EPG5: variants seen among roughly 807,000 people sequenced by gnomAD.
EPG5 encodes ectopic P granules protein 5 homolog.
EPG5 carries 159 observed loss-of-function variants against 302.7 expected under a neutral mutation model. The ratio of observed to expected loss-of-function variants is 0.53; its 90% confidence interval spans 0.46 to 0.60. EPG5 has a LOEUF of 0.60. Among genes scored for constraint, EPG5 ranks in the 20% least tolerant of loss-of-function variants. The probability of loss-of-function intolerance (pLI) is 0.00; values close to 1 mark genes in which losing one functional copy is unlikely to be tolerated. For missense variants in EPG5, 2,896 were observed against 3,092.4 expected (o/e 0.94, Z 1.51); for synonymous variants, 1,158 against 1,136.8 (o/e 1.02, Z -0.37).
At chr18:45,837,150 T>C in the EPG5 span, 11 of 1,597,986 alleles carry the variant, frequency 6.9e-6, no homozygotes, top group African/African-American at 1.3e-4. Context: ...AACCACGAGA[T>C]CCCAGGGTTT....
In EPG5 at chr18:45,849,497, G is replaced by A. The variant is rs2048397180; in HGVS notation, c.*2970C>T. The stretch of plus-strand genomic sequence containing the variant: ...CCTGCTCCAGAAGAAAGAATTTCAG[G>A]AATAAAAACTCAGTGAAAAAGTATA... On this transcript the variant is annotated 3_prime_UTR_variant, in exon 44 of 44. Transcript: ENST00000282041. 1 of 152,194 alleles carries A rather than the reference G, an allele frequency of 6.6e-6. No individual in the cohort carries two copies. The highest frequency in any genetic ancestry group is 2.4e-5 in the African/African-American group (1 of 41,438). The allele number at this position is 152,194 out of a possible 1,614,324, so 9.4% of individuals were successfully genotyped here.
rs780623328 is a variant in EPG5 at position 45,967,249 on chromosome 18, C to T, written c.-10G>A. ...TCACCGCCTCGGCCATAGACCCTTCCGCGGCGCCGTCACCGTTTGTTTTTG... is the reference window on the plus strand; with the variant it reads ...TCACCGCCTCGGCCATAGACCCTTCTGCGGCGCCGTCACCGTTTGTTTTTG... On this transcript the variant is annotated 5_prime_UTR_variant, in exon 1 of 44. Transcript: ENST00000282041. 2 of 1,586,766 alleles carry T rather than the reference C, an allele frequency of 1.3e-6. No individual in the cohort carries two copies. The highest frequency in any genetic ancestry group is 2.3e-5 in the South Asian group (2 of 87,330).
At chr18:45,802,042 G>A in the EPG5 span, among the ~76,000 whole-genome samples, 1 of 152,130 alleles carries the variant, frequency 6.6e-6, no homozygotes. Context: ...TCACCCTGCA[G>A]TGTCCACTCC....
Position 45,913,720 on chromosome 18 carries a change from C to T in EPG5, c.3802G>A (p.Asp1268Asn), listed in dbSNP as rs1459411448. The T allele has an allele frequency of 6.2e-7, 1 of 1,614,076 alleles. No individual in the cohort carries two copies. The highest frequency in any genetic ancestry group is 8.5e-7 in the Non-Finnish European group (1 of 1,179,974). Residue 1268 changes from aspartate to asparagine, a missense_variant, in exon 21 of 44, where the codon GAC becomes AAC. Physicochemically the swap from Asp to Asn is conservative, Grantham distance 23. This residue lies in a region of EPG5 where 64 missense variants were observed against 101.8 expected (regional missense o/e 0.63). Transcript: ENST00000282041. ...GCTATTTGTACCTTCAGAGCTTGGTCAGGGGTGAAAGCAGAGTTTATCACC... is the reference window on the plus strand; with the variant it reads ...GCTATTTGTACCTTCAGAGCTTGGTTAGGGGTGAAAGCAGAGTTTATCACC... ...ELVINSAFTP[D>N]QALKKAQTQL... is the part of the protein sequence containing the mutation.
the EPG5 span, among the ~76,000 whole-genome samples, chr18:45,823,377 T>G: frequency 6.6e-6 from 1 of 152,162 alleles, no homozygotes; most frequent in East Asian, 1.9e-4. Context: ...TTGGAAGATC[T>G]AAGAGGCAAC....
At chr18:45,872,676 C>T (rs1479411267) in intron 35 of EPG5, among the ~76,000 whole-genome samples, 2 of 152,084 alleles carry the variant, frequency 1.3e-5, no homozygotes, top group African/African-American at 4.8e-5. Context: ...CGCACTCCAA[C>T]CTGGGCAACA....
intron 35 of EPG5, among the ~76,000 whole-genome samples, chr18:45,874,607 C>T (rs765955587): frequency 1.3e-5 from 2 of 152,092 alleles, no homozygotes; most frequent in Non-Finnish European, 2.9e-5. Flanking sequence ...TATCAAACCA[C>T]CAGATCTCAT....
chr18:45,916,344 G>T, intron 18 of EPG5, 94 bp downstream of exon 18: 2 of 1,546,666 alleles, frequency 1.3e-6, no homozygotes, highest in Non-Finnish European at 1.8e-6. Context: ...TAAGCCAAGT[G>T]ATCTGAAATG....
the EPG5 span, among the ~76,000 whole-genome samples, chr18:45,830,347 T>C: frequency 6.6e-6 from 1 of 152,170 alleles, no homozygotes; most frequent in Non-Finnish European, 1.5e-5. Flanking sequence ...GGAGAGTAGG[T>C]TCGGCATCAG....
chr18:45,928,404 T>C (rs1005683656), intron 13 of EPG5, among the ~76,000 whole-genome samples: 3 of 152,134 alleles, frequency 2.0e-5, no homozygotes, highest in Non-Finnish European at 4.4e-5. Flanking sequence ...TACATGAAGA[T>C]TGCAAAAGGG....
the EPG5 span, among the ~76,000 whole-genome samples, chr18:45,831,684 T>A: frequency 6.6e-6 from 1 of 151,900 alleles, no homozygotes; most frequent in Non-Finnish European, 1.5e-5. Flanking sequence ...CAATTATACT[T>A]CAGCTGGTCC....
chr18:45,811,894 A>C, the EPG5 span, among the ~76,000 whole-genome samples: 1 of 152,160 alleles, frequency 6.6e-6, no homozygotes, highest in African/African-American at 2.4e-5. Flanking sequence ...CCTATTCAAC[A>C]TAGTGTTGGA....
chr18:45,831,993 A>G, the EPG5 span, among the ~76,000 whole-genome samples: 4 of 152,236 alleles, frequency 2.6e-5, no homozygotes, highest in Non-Finnish European at 5.9e-5. Context: ...CGGCCTCCCA[A>G]AGTGCTGGGA....
chr18:45,858,472 C>T, intron 41 of EPG5, 94 bp downstream of exon 41: 1 of 919,666 alleles, frequency 1.1e-6, no homozygotes, highest in Non-Finnish European at 1.7e-6. Context: ...TTATGCACCT[C>T]TTGGTTCTGT....
intron 12 of EPG5, among the ~76,000 whole-genome samples, chr18:45,930,414 A>G (rs1217963592): frequency 5.3e-5 from 8 of 152,178 alleles, no homozygotes; most frequent in African/African-American, 1.9e-4. Context: ...AAACTGTGTC[A>G]GGCTGTGTCA....
At position 45,855,657 on chromosome 18, in the gene EPG5, G is replaced by C. The variant is rs1370235101; in HGVS notation, c.7473C>G (p.Ala2491=). The change falls in exon 43 of 44, where the codon GCC becomes GCG. Residue 2491 remains alanine (A), a synonymous_variant. Transcript: ENST00000282041. ...RFRVVARSMA[A]FLSVQVPMED... ...CCATAGGAACCTGAACTGAAAGGAAGGCAGCCATGCTTCGGGCAACCACTC... is the reference window on the plus strand; with the variant it reads ...CCATAGGAACCTGAACTGAAAGGAACGCAGCCATGCTTCGGGCAACCACTC... 6.2e-7 allele frequency: 1 copy of C among 1,614,170 alleles called. No individual in the cohort carries two copies. The highest frequency in any genetic ancestry group is 1.3e-5 in the African/African-American group (1 of 75,044).
At position 45,870,671 on chromosome 18, in the gene EPG5, G is replaced by T; in HGVS notation, c.6121C>A (p.Pro2041Thr). 1 of 1,613,828 alleles carries T rather than the reference G, an allele frequency of 6.2e-7. No individual in the cohort carries two copies. Among genetic ancestry groups the T allele is most frequent in the Non-Finnish European group, 8.5e-7 (1 of 1,179,922 alleles). Reference sequence around the variant, plus strand: ...TACAGAATGAACTCTGGCATTTTGGGTGCTGTACATGCTTCACAATAATGC... The same window carrying T: ...TACAGAATGAACTCTGGCATTTTGGTTGCTGTACATGCTTCACAATAATGC... ...LMHYCEACTA[P>T]KMPEFILYAF... Residue 2041 changes from proline to threonine, a missense_variant, in exon 36 of 44, where the codon CCC becomes ACC. Around this residue, in one of 5 missense-constraint regions of EPG5, gnomAD observed 620 missense variants for 704.2 expected, o/e 0.88. Transcript: ENST00000282041.
At chr18:45,959,419 G>C (rs1476691165) in intron 1 of EPG5, among the ~76,000 whole-genome samples, 1 of 147,414 alleles carries the variant, frequency 6.8e-6, no homozygotes, top group Non-Finnish European at 1.5e-5. Flanking sequence ...GGCTGAGGCA[G>C]GTGGATTACG....
In EPG5 at chr18:45,954,908, G is replaced by T. The variant is rs201402291; in HGVS notation, c.494C>A (p.Pro165Gln). The T allele has an allele frequency of 1.2e-6, 2 of 1,613,582 alleles. No individual in the cohort carries two copies. Among genetic ancestry groups the T allele is most frequent in the Non-Finnish European group, 1.7e-6 (2 of 1,179,804 alleles). ...APQSNFSYTQ[P>Q]AMENIQVRET... ...TCTGACTTGTATATTTTCCATTGCT[G>T]GCTGAGTATAAGAAAAATTAGATTG... Residue 165 changes from proline (P) to glutamine (Q), a missense_variant, in exon 2 of 44, where the codon CCA becomes CAA. Around this residue, in one of 5 missense-constraint regions of EPG5, gnomAD observed 1,390 missense variants for 1,430.0 expected, o/e 0.97. Coordinates refer to ENST00000282041, the MANE Select transcript of EPG5 (RefSeq NM_020964.3).
Sources: allele counts gnomAD v4.1 joint callset (sites outside exome capture counted in the v4.1 genomes callset), GRCh38; gene constraint gnomAD v4.1.1; regional missense constraint gnomAD v4.1.1; transcripts MANE v1.5; gene names NCBI Gene and HGNC (gene_info 2026-07-23, HGNC 2026-07-21).